Variants in MEF2A observed in about 807,000 individuals in gnomAD.
The protein encoded by MEF2A is myocyte-specific enhancer factor 2A.
In MEF2A, 28 loss-of-function variants were observed where a neutral mutation model predicts 55.8. The observed-to-expected ratio is 0.50, with a 90% CI of 0.37 to 0.69. MEF2A has a LOEUF of 0.69. Among genes scored for constraint, MEF2A ranks in the 30% least tolerant of loss-of-function variants. MEF2A has a pLI of 0.00. For missense variants in MEF2A, 528 were observed against 626.2 expected, an observed-to-expected ratio of 0.84 and a Z score of 1.67; for synonymous variants, 239 against 227.1, an observed-to-expected ratio of 1.05 and a Z score of -0.47.
chr15:99,685,189 C>T (rs540880316), intron 7 of MEF2A, among the ~76,000 whole-genome samples: 1 of 152,244 alleles, frequency 6.6e-6, no homozygotes, highest in South Asian at 2.1e-4. Context: ...CTTTTGGTTC[C>T]ATAGGAATTT....
intron 4 of MEF2A, among the ~76,000 whole-genome samples, chr15:99,649,231 C>T (rs1294699753): frequency 1.3e-5 from 2 of 151,370 alleles, no homozygotes; most frequent in African/African-American, 4.9e-5. Flanking sequence ...TGTATATATC[C>T]CCTACATTAA....
chr15:99,715,966 G>T lies in MEF2A; in HGVS notation c.*3195G>T, dbSNP rs2059115350. On this transcript the variant is annotated 3_prime_UTR_variant, in exon 12 of 12. Transcript: ENST00000557942. ...TTTTACCCTTTCCTTTAACTAGAAG[G>T]ATAACTAGTAATGCATCAACATAAT... 6.5e-6 allele frequency: 1 copy of T among 153,304 alleles called. No individual in the cohort carries two copies. The allele number at this position is 153,304 out of a possible 1,614,324, so 9.5% of individuals were successfully genotyped here. A position where few individuals can be genotyped will look rare whatever the true frequency, so the allele number is the denominator to read the frequency against.
chr15:99,654,581 A>AAG lies in MEF2A; in HGVS notation c.258+8817_258+8818insAG, dbSNP rs755430847. Among the ~76,000 whole-genome samples the AAG allele has an allele frequency of 2.5e-3, 370 of 148,624 alleles. 2 individuals are homozygous for AAG. The highest frequency in any genetic ancestry group is 8.6e-3 in the African/African-American group (344 of 40,004). On this transcript the variant is annotated intron_variant, in intron 4 of 11. Coordinates refer to ENST00000557942, the MANE Select transcript of MEF2A (RefSeq NM_001319206.4). The stretch of plus-strand genomic sequence containing the variant: ...ATAAATAAAAATAAATTAAAAAAAA[A>AAG]GGGGGGGGTATTGGTTATTTCATGT...
intron 1 of MEF2A, among the ~76,000 whole-genome samples, chr15:99,579,673 G>A (rs1965359449): frequency 6.6e-6 from 1 of 152,198 alleles, no homozygotes; most frequent in Non-Finnish European, 1.5e-5. Context: ...TGGGATTACA[G>A]GCGTGAGTCA....
chr15:99,594,474 T>C (rs1970464418), intron 1 of MEF2A, among the ~76,000 whole-genome samples: 1 of 121,482 alleles, frequency 8.2e-6, no homozygotes, highest in South Asian at 2.8e-4. Flanking sequence ...TTTTTTTTTT[T>C]TTTTTTGAAG....
intron 1 of MEF2A, among the ~76,000 whole-genome samples, chr15:99,594,267 C>T (rs1362626172): frequency 6.6e-6 from 1 of 152,130 alleles, no homozygotes; most frequent in Non-Finnish European, 1.5e-5. Context: ...TCACAGAACT[C>T]AGGGAAACAC....
intron 2 of MEF2A, among the ~76,000 whole-genome samples, chr15:99,619,977 T>TA (rs1596521979): frequency 6.6e-6 from 1 of 152,258 alleles, no homozygotes; most frequent in East Asian, 1.9e-4. Context: ...CAGTAATGTT[T>TA]AAAGTTTTCT....
chr15:99,604,145 T>A (rs1436517415), intron 2 of MEF2A, among the ~76,000 whole-genome samples: 2 of 152,220 alleles, frequency 1.3e-5, no homozygotes, highest in African/African-American at 4.8e-5. Flanking sequence ...ATGGGCCTTG[T>A]ATGGTTTTCT....
At chr15:99,593,651 T>A (rs755279470) in intron 1 of MEF2A, among the ~76,000 whole-genome samples, 1 of 152,210 alleles carries the variant, frequency 6.6e-6, no homozygotes, top group Non-Finnish European at 1.5e-5. Flanking sequence ...GACACTGCAT[T>A]ATGCTCAGTA....
upstream of MEF2A, chr15:99,565,886 G>C (rs1044806725): frequency 6.5e-6 from 1 of 153,356 alleles, no homozygotes; most frequent in African/African-American, 2.4e-5. Context: ...CAGGGCTGCG[G>C]AGGGACACCG....
Position 99,691,100 on chromosome 15 carries a change from G to GTTTTTT in MEF2A, c.858+684_858+689dup, listed in dbSNP as rs3979130. 5.7e-5 allele frequency among the ~76,000 whole-genome samples: 7 copies of GTTTTTT among 122,908 alleles called. 1 individual carries two copies. Among genetic ancestry groups the GTTTTTT allele is most frequent in the Non-Finnish European group, 8.3e-5 (5 of 60,506 alleles). The allele number at this position is 122,908 out of a possible 152,430, so 80.6% of individuals were successfully genotyped here. A position where few individuals can be genotyped will look rare whatever the true frequency, so the allele number is the denominator to read the frequency against. On this transcript the variant is annotated intron_variant, in intron 8 of 11. Transcript: ENST00000557942. ...TAATATGTAACACCTTTCGAATCAGGTTTTTTTTTTTTTTTTTGAGTCGTT... is the reference window on the plus strand; with the variant it reads ...TAATATGTAACACCTTTCGAATCAGGTTTTTTTTTTTTTTTTTTTTTTTGAGTCGTT...
chr15:99,696,882 T>G (rs2056551555), intron 8 of MEF2A, among the ~76,000 whole-genome samples: 1 of 152,108 alleles, frequency 6.6e-6, no homozygotes, highest in Non-Finnish European at 1.5e-5. Context: ...ATATTCCTCA[T>G]GAACTCTAGA....
chr15:99,588,317 T>G (rs1262574599), intron 1 of MEF2A, among the ~76,000 whole-genome samples: 1 of 152,114 alleles, frequency 6.6e-6, no homozygotes, highest in Non-Finnish European at 1.5e-5. Flanking sequence ...TTCTTTTCTT[T>G]TTTTGAGAAG....
At chr15:99,668,906 C>T (rs1461847161) in intron 4 of MEF2A, among the ~76,000 whole-genome samples, 9 of 152,140 alleles carry the variant, frequency 5.9e-5, no homozygotes, top group Non-Finnish European at 1.3e-4. Flanking sequence ...GATAAGGAGA[C>T]ACAAGTTGCC....
chr15:99,671,740 G>C (rs2050908281), intron 5 of MEF2A: 6 of 1,331,986 alleles, frequency 4.5e-6, no homozygotes, highest in African/African-American at 1.5e-5. Flanking sequence ...TTTATAGTGG[G>C]TGATGACAAC....
chr15:99,668,679 C>T (rs1314115871), intron 4 of MEF2A, among the ~76,000 whole-genome samples: 1 of 152,154 alleles, frequency 6.6e-6, no homozygotes, highest in Non-Finnish European at 1.5e-5. Context: ...CCTCATTGAG[C>T]AAGTGTCTTT....
chr15:99,683,368 G>A (rs553944765), intron 7 of MEF2A, among the ~76,000 whole-genome samples: 35 of 152,218 alleles, frequency 2.3e-4, no homozygotes, highest in African/African-American at 7.7e-4. Flanking sequence ...TTGGGTGAGG[G>A]TAAGGAAGAA....
intron 1 of MEF2A, among the ~76,000 whole-genome samples, chr15:99,579,763 A>G (rs910407991): frequency 3.9e-5 from 6 of 152,162 alleles, no homozygotes; most frequent in Non-Finnish European, 7.4e-5. Context: ...TTTTGTCAGT[A>G]TAGAGTAGTC....
At chr15:99,647,188 A>T (rs891445863) in intron 4 of MEF2A, among the ~76,000 whole-genome samples, 1 of 152,162 alleles carries the variant, frequency 6.6e-6, no homozygotes, top group South Asian at 2.1e-4. Flanking sequence ...TGTCATGAAT[A>T]CATTTTGTAT....
Sources: gnomAD v4.1 joint callset for allele counts (sites outside exome capture counted in the v4.1 genomes callset) on GRCh38, gnomAD v4.1.1 for gene constraint, MANE v1.5 for transcripts, NCBI Gene and HGNC (gene_info 2026-07-23, HGNC 2026-07-21) for gene names.